Variants in DNAH8 observed in about 807,000 individuals in gnomAD.
DNAH8 encodes the protein dynein axonemal heavy chain 8.
Under a neutral mutation model 562.1 loss-of-function variants are expected in DNAH8, and 382 were observed. The ratio of observed to expected loss-of-function variants is 0.68; its 90% CI spans 0.63 to 0.74. The LOEUF is 0.74. Ranked by LOEUF, DNAH8 falls within the 30% of genes least tolerant of loss-of-function variation. The pLI, the probability that DNAH8 is intolerant of heterozygous loss-of-function variation, is 0.00. For missense variants in DNAH8, 5,203 were observed against 5,620.4 expected (o/e 0.93, Z 2.37); for synonymous variants, 1,881 against 1,919.4 (o/e 0.98, Z 0.52).
chr6:38,989,449 A>G (rs1764633012), intron 87 of DNAH8, among the ~76,000 whole-genome samples: 1 of 152,256 alleles, frequency 6.6e-6, no homozygotes, highest in African/African-American at 2.4e-5. Context: ...ACAGCAAGGC[A>G]GCTGAATACA....
chr6:38,947,145 T>A (rs1761498882), intron 80 of DNAH8, among the ~76,000 whole-genome samples: 1 of 152,164 alleles, frequency 6.6e-6, no homozygotes, highest in Non-Finnish European at 1.5e-5. Flanking sequence ...TGCCAATAAG[T>A]GGCAAAGCTC....
At chr6:38,858,403 T>C (rs2150402780) in intron 42 of DNAH8, among the ~76,000 whole-genome samples, 1 of 152,346 alleles carries the variant, frequency 6.6e-6, no homozygotes, top group South Asian at 2.1e-4. Flanking sequence ...TTAGAGAATG[T>C]GATCACAGAC....
In DNAH8 at chr6:38,768,169, T is replaced by C. The variant is rs7757627; in HGVS notation, c.1618-2244T>C. ...GGGTTGTTTGGGTTTTTTGTTGTTG[T>C]TGTTGTTGAGTTGTAGGATTTCTTT... On this transcript the variant is annotated intron_variant, in intron 11 of 92. Transcript: ENST00000327475. Among the ~76,000 whole-genome samples, 742 of 152,280 alleles carry C rather than the reference T, an allele frequency of 4.9e-3. 5 individuals are homozygous for C. Among genetic ancestry groups the C allele is most frequent in the African/African-American group, 0.017 (726 of 41,534 alleles).
Position 38,737,199 on chromosome 6 carries a change from G to A in DNAH8, c.895G>A (p.Glu299Lys), listed in dbSNP as rs1307039134. 1.3e-6 allele frequency: 2 copies of A among 1,526,756 alleles called. No individual in the cohort carries two copies. The highest frequency in any genetic ancestry group is 4.8e-5 in the East Asian group (2 of 41,526). The allele number at this position is 1,526,756 out of a possible 1,614,324, so 94.6% of individuals were successfully genotyped here. A position where few individuals can be genotyped will look rare whatever the true frequency, so the allele number is the denominator to read the frequency against. The change falls in exon 6 of 93, where the codon GAA (glutamate) becomes AAA (lysine). Residue 299 changes from glutamate (E) to lysine (K), a missense_variant. Physicochemically the swap from Glu to Lys is moderately conservative, Grantham distance 56 (BLOSUM62 1). Transcript: ENST00000327475. ...WGALNQSKQGESEKHIFTETI... is the reference protein window; with the variant it reads ...WGALNQSKQGKSEKHIFTETI... ...TGCTTTAAACCAGTCCAAGCAGGGA[G>A]AATCTGAAAAACATATTTTCACTGA...
chr6:38,873,430 A>G, intron 52 of DNAH8, 54 bp downstream of exon 52: 1 of 1,494,824 alleles, frequency 6.7e-7, no homozygotes, highest in Non-Finnish European at 9.0e-7. Flanking sequence ...TTTTTCACTC[A>G]GTTGCAGTTT....
intron 55 of DNAH8, 54 bp from the exon 56 acceptor site, chr6:38,883,822 T>C: frequency 7.1e-7 from 1 of 1,402,892 alleles, no homozygotes; most frequent in Non-Finnish European, 9.5e-7. Flanking sequence ...TCATTATTTT[T>C]AGAAGTATGG....
intron 87 of DNAH8, among the ~76,000 whole-genome samples, chr6:38,986,832 T>G (rs376859582): frequency 1.3e-4 from 19 of 149,822 alleles, no homozygotes; most frequent in African/African-American, 4.0e-4. Context: ...CAGGGAAGAG[T>G]TTTATTGGCT....
intron 89 of DNAH8, among the ~76,000 whole-genome samples, chr6:39,011,431 T>G (rs1400656807): frequency 1.3e-5 from 2 of 152,236 alleles, no homozygotes; most frequent in Admixed American, 1.3e-4. Context: ...CTGGCATCTC[T>G]TTGATTGTGG....
At chr6:38,809,989 T>G (rs1222087740) in intron 24 of DNAH8, among the ~76,000 whole-genome samples, 1 of 152,228 alleles carries the variant, frequency 6.6e-6, no homozygotes, top group Admixed American at 6.5e-5. Context: ...TCTCTTTACT[T>G]AAGCCTTTCT....
intron 30 of DNAH8, among the ~76,000 whole-genome samples, chr6:38,828,664 A>T (rs1303509134): frequency 6.6e-6 from 1 of 152,164 alleles, no homozygotes; most frequent in Non-Finnish European, 1.5e-5. Context: ...TCACCTAATG[A>T]CACATTTCTC....
chr6:38,857,452 C>G, intron 41 of DNAH8, 66 bp from the exon 42 acceptor site: 3 of 1,096,488 alleles, frequency 2.7e-6, no homozygotes, highest in East Asian at 2.4e-5. Context: ...AAGTGACCAC[C>G]AAATTTTATT....
At chr6:38,732,205 C>T (rs961426293) in intron 4 of DNAH8, among the ~76,000 whole-genome samples, 7 of 152,180 alleles carry the variant, frequency 4.6e-5, no homozygotes, top group Non-Finnish European at 1.0e-4. Context: ...TTCCATTATA[C>T]AGCTGCATTG....
At chr6:38,832,703 T>C (rs1026139570) in intron 31 of DNAH8, among the ~76,000 whole-genome samples, 3 of 152,200 alleles carry the variant, frequency 2.0e-5, no homozygotes, top group Non-Finnish European at 4.4e-5. Context: ...CTTTTAAAAA[T>C]TGCAGAAAAA....
rs746378835 is a variant in DNAH8 at position 38,926,137 on chromosome 6, A to T, written c.11045A>T (p.Tyr3682Phe). 3 of 1,613,814 alleles carry T rather than the reference A, an allele frequency of 1.9e-6. No homozygotes were observed. The highest frequency in any genetic ancestry group is 2.2e-5 in the South Asian group (2 of 91,066). ...ATTATTGTGACAAAGGCCACCAGAT[A>T]CCCACTCCTCATAGACCCACAAACT... The part of the protein sequence containing the change: ...NGIIVTKATR[Y>F]PLLIDPQTQG... Residue 3682 changes from tyrosine to phenylalanine, a missense_variant, in exon 74 of 93, where the codon TAC becomes TTC. Tyr to Phe is a conservative substitution (Grantham distance 22, BLOSUM62 3). Transcript: ENST00000327475.
At chr6:38,993,102 C>T (rs1764902162) in intron 88 of DNAH8, among the ~76,000 whole-genome samples, 1 of 152,182 alleles carries the variant, frequency 6.6e-6, no homozygotes, top group South Asian at 2.1e-4. Flanking sequence ...ATACAAATAA[C>T]TCCAATTCCA....
chr6:38,942,110 G>A (rs1330412532), intron 79 of DNAH8, among the ~76,000 whole-genome samples: 1 of 152,160 alleles, frequency 6.6e-6, no homozygotes, highest in Non-Finnish European at 1.5e-5. Flanking sequence ...TCAGGGTCTT[G>A]ATCTTGGACT....
intron 91 of DNAH8, among the ~76,000 whole-genome samples, chr6:39,016,396 A>C (rs1260055062): frequency 1.3e-5 from 2 of 151,952 alleles, no homozygotes; most frequent in Non-Finnish European, 2.9e-5. Context: ...CTAAAAATAC[A>C]AAAAATTAGC....
intron 21 of DNAH8, among the ~76,000 whole-genome samples, chr6:38,793,510 T>A (rs6923304): frequency 0.2 from 31,002 of 152,124 alleles, 3,510 homozygotes; most frequent in Middle Eastern, 0.24. Context: ...ATGACTTTCG[T>A]CCTTTTTGGA....
chr6:38,844,540 G>A (rs1428523053), intron 35 of DNAH8, among the ~76,000 whole-genome samples: 3 of 152,190 alleles, frequency 2.0e-5, no homozygotes, highest in Middle Eastern at 3.4e-3. Flanking sequence ...GAAACACTTT[G>A]GTGACCATCT....
Sources: allele counts gnomAD v4.1 joint callset (sites outside exome capture counted in the v4.1 genomes callset), GRCh38; gene constraint gnomAD v4.1.1; transcripts MANE v1.5; gene names NCBI Gene and HGNC (gene_info 2026-07-23, HGNC 2026-07-21).